Variants in RFX2 observed in about 807,000 individuals in gnomAD.
RFX2 encodes regulatory factor X2, also known as DNA-binding protein RFX2.
A neutral mutation model predicts 87.8 loss-of-function variants in RFX2; 20 were observed. That is an observed-to-expected ratio of 0.23 (90% CI 0.16 to 0.33). The LOEUF (loss-of-function observed/expected upper bound fraction) is 0.33, where lower values mean the gene tolerates loss of function less well. Among genes scored for constraint, RFX2 ranks in the 10% least tolerant of loss-of-function variants. The pLI is 1.00. For missense variants in RFX2, 767 were observed against 1,012.3 expected (o/e 0.76, Z 3.29); for synonymous variants, 397 against 431.3 (o/e 0.92, Z 0.98).
Position 6,004,180 on chromosome 19 carries a change from C to T in RFX2, c.1500+21G>A, listed in dbSNP as rs2086541845. On this transcript the variant is annotated intron_variant, in intron 13 of 17. Transcript: ENST00000303657. This position sits in a 1 kb window ranked among gnomAD's most constrained non-coding sequence, Gnocchi z 4.8. ...CCCTCCCAGCCATCGTTGGGGAGCC[C>T]AGGCCCCACCCCGGACGCACCTTGG... 1.3e-6 allele frequency: 2 copies of T among 1,594,818 alleles called. No homozygotes were observed. The highest frequency in any genetic ancestry group is 1.7e-5 in the Admixed American group (1 of 59,976).
At position 6,022,154 on chromosome 19, in the gene RFX2, T is replaced by TTGTGG. The variant is rs2086822172; in HGVS notation, c.597+4008_597+4009insCCACA. 6.6e-6 allele frequency among the ~76,000 whole-genome samples: 1 copy of TTGTGG among 151,848 alleles called. No homozygotes were observed. Among genetic ancestry groups the TTGTGG allele is most frequent in the African/African-American group, 2.4e-5 (1 of 41,256 alleles). On this transcript the variant is annotated intron_variant, in intron 6 of 17. Transcript: ENST00000303657. This position sits in a 1 kb window ranked among gnomAD's most constrained non-coding sequence, Gnocchi z 6.2. ...GGGTTGTGGGAGGCGCAGGGGTTGT[T>TTGTGG]GAGGGTGGAGGCCACGCACTGAGCT... is the stretch of plus-strand genomic sequence containing the variant.
chr19:6,003,327 A>G (rs755204550), intron 13 of RFX2, among the ~76,000 whole-genome samples: 88 of 152,052 alleles, frequency 5.8e-4, no homozygotes, highest in Middle Eastern at 3.2e-3. Flanking sequence ...TGTCTCCCAA[A>G]GTGCTGGGAT....
At chr19:6,082,293 C>CA (rs34361456) in intron 1 of RFX2, among the ~76,000 whole-genome samples, 10,078 of 99,788 alleles carry the variant, frequency 0.1, 980 homozygotes, top group African/African-American at 0.26. Flanking sequence ...GACCCTGTCT[C>CA]AAAAAAAAAA....
At position 6,022,241 on chromosome 19, in the gene RFX2, G is replaced by GC. The variant is rs1278502017; in HGVS notation, c.597+3921dup. 6.6e-6 allele frequency among the ~76,000 whole-genome samples: 1 copy of GC among 152,168 alleles called. No individual in the cohort carries two copies. Among genetic ancestry groups the GC allele is most frequent in the Non-Finnish European group, 1.5e-5 (1 of 68,022 alleles). ...AAAACAGCGGCACTTCTGGACAGAG[G>GC]CCCCTTCTGAGGAGCTGCCGGCTCT... On this transcript the variant is annotated intron_variant, in intron 6 of 17. Coordinates refer to ENST00000303657, the MANE Select transcript of RFX2 (RefSeq NM_000635.4). This position sits in a 1 kb window ranked among gnomAD's most constrained non-coding sequence, Gnocchi z 6.2.
intron 1 of RFX2, among the ~76,000 whole-genome samples, chr19:6,102,828 C>T (rs764148833): frequency 2.6e-5 from 4 of 152,190 alleles, no homozygotes; most frequent in Admixed American, 6.5e-5. Context: ...AGTTCAAATA[C>T]AAGAAGCCTC....
intron 1 of RFX2, among the ~76,000 whole-genome samples, chr19:6,091,583 C>T (rs989273551): frequency 1.3e-5 from 2 of 152,268 alleles, no homozygotes; most frequent in South Asian, 2.1e-4. Flanking sequence ...CATTCCTCAC[C>T]TCAGGAGAAG....
In RFX2 at chr19:6,034,789, G is replaced by A. The variant is rs193067517; in HGVS notation, c.522+5191C>T. On this transcript the variant is annotated intron_variant, in intron 5 of 17. Coordinates refer to ENST00000303657, the MANE Select transcript of RFX2 (RefSeq NM_000635.4). ...TGGGCCTCTGCGAGCCACCTCCATG[G>A]ACCACCAGGAAGGGGTGCTCTCTGA... is the stretch of plus-strand genomic sequence containing the variant. Among the ~76,000 whole-genome samples the A allele has an allele frequency of 8.1e-4, 124 of 152,292 alleles. No individual in the cohort carries two copies. In the Middle Eastern group the frequency reaches 0.01, roughly 13 times the overall value.
Position 6,021,523 on chromosome 19 carries a change from G to A in RFX2, c.597+4640C>T, listed in dbSNP as rs77315797. The stretch of plus-strand genomic sequence containing the variant: ...TAGTAAGTTGAGGTGGGGTGGGGGT[G>A]TCAGGCAGGGCTCACTGAGAAAGTG... On this transcript the variant is annotated intron_variant, in intron 6 of 17. Transcript: ENST00000303657. This position sits in a 1 kb window ranked among gnomAD's most constrained non-coding sequence, Gnocchi z 5.7. 0.14 allele frequency among the ~76,000 whole-genome samples: 20,588 copies of A among 152,206 alleles called. 1,610 individuals are homozygous for A. The highest frequency in any genetic ancestry group is 0.23 in the Middle Eastern group (67 of 294).
chr19:6,089,605 C>T (rs2087905168), intron 1 of RFX2, among the ~76,000 whole-genome samples: 1 of 152,186 alleles, frequency 6.6e-6, no homozygotes, highest in South Asian at 2.1e-4. Context: ...CCTCCCCTGC[C>T]CCTTCCATCA....
chr19:6,006,990 G>A, intron 12 of RFX2, 22 bp downstream of exon 12: 1 of 1,612,784 alleles, frequency 6.2e-7, no homozygotes, highest in Non-Finnish European at 8.5e-7. Flanking sequence ...AGCAGCGCCG[G>A]GCGGGGCCGT....
chr19:6,038,328 G>GAA (rs55857624), intron 5 of RFX2, among the ~76,000 whole-genome samples: 4,645 of 60,722 alleles, frequency 0.076, 127 homozygotes, highest in Non-Finnish European at 0.086. Flanking sequence ...CTCCGTCTCA[G>GAA]AAAAAAAAAA....
chr19:6,090,664 T>C (rs1372523773), intron 1 of RFX2, among the ~76,000 whole-genome samples: 1 of 152,224 alleles, frequency 6.6e-6, no homozygotes, highest in African/African-American at 2.4e-5. Flanking sequence ...CTCCTAGGTA[T>C]ATTCCCTGAA....
chr19:6,028,368 C>T (rs2086916358), intron 5 of RFX2, among the ~76,000 whole-genome samples: 2 of 152,158 alleles, frequency 1.3e-5, no homozygotes, highest in Non-Finnish European at 2.9e-5. Flanking sequence ...AACTTGGCCT[C>T]ACACAGATAT....
At chr19:6,076,802 T>A (rs2087699160) in intron 1 of RFX2, among the ~76,000 whole-genome samples, 1 of 152,242 alleles carries the variant, frequency 6.6e-6, no homozygotes, top group Admixed American at 6.5e-5. Flanking sequence ...TCGCTATTTG[T>A]GATGTTGCTA....
In RFX2 at chr19:6,026,444, A is replaced by G; in HGVS notation, c.523-207T>C. 1 of 594,990 alleles carries G rather than the reference A, an allele frequency of 1.7e-6. No homozygotes were observed. 36.9% of individuals were successfully genotyped at this position (594,990 alleles called of 1,614,324 possible). A position where few individuals can be genotyped will look rare whatever the true frequency, so the allele number is the denominator to read the frequency against. ...GCTGCGGTAGGGAGTGTTGCTTCGC[A>G]CACGTAGGTAAGCCCGAGAGCCCGT... On this transcript the variant is annotated intron_variant, in intron 5 of 17. Transcript: ENST00000303657. The surrounding 1 kb of genome is among the most constrained non-coding windows in gnomAD (Gnocchi z 4.5).
intron 16 of RFX2, 102 bp from the exon 17 acceptor site, chr19:5,995,745 C>T (rs371356318): frequency 2.8e-5 from 28 of 1,005,408 alleles, no homozygotes; most frequent in East Asian, 2.6e-4. Context: ...GCCACGTCCT[C>T]CATTCACAGT....
intron 1 of RFX2, among the ~76,000 whole-genome samples, chr19:6,053,540 A>G (rs987178026): frequency 3.9e-5 from 6 of 152,232 alleles, no homozygotes; most frequent in Admixed American, 1.3e-4. Context: ...TAACAAATGT[A>G]CAACTCTGGT....
intron 6 of RFX2, among the ~76,000 whole-genome samples, chr19:6,025,059 T>C (rs2086868868): frequency 6.6e-6 from 1 of 152,220 alleles, no homozygotes; most frequent in African/African-American, 2.4e-5. Flanking sequence ...GTTTAAGTGC[T>C]AGAGAGCAAC....
rs72153340 is a variant in RFX2, at chr19:6,045,658, G to GT, written c.91-1377dup. 9.4e-3 allele frequency among the ~76,000 whole-genome samples: 1,413 copies of GT among 150,606 alleles called. 21 individuals carry two copies. Among genetic ancestry groups the GT allele is most frequent in the East Asian group, 0.068 (352 of 5,160 alleles). On this transcript the variant is annotated intron_variant, in intron 2 of 17. Coordinates refer to ENST00000303657, the MANE Select transcript of RFX2 (RefSeq NM_000635.4). This position sits in a 1 kb window ranked among gnomAD's most constrained non-coding sequence, Gnocchi z 5.2. Reference sequence around the variant, plus strand: ...TGCCTTTTTGTTTTTGCGGAATTGTGTTTTTTTGTTTTTGTTTTTTTGTGT... The same window carrying GT: ...TGCCTTTTTGTTTTTGCGGAATTGTGTTTTTTTTGTTTTTGTTTTTTTGTGT...
Sources: gnomAD v4.1 joint callset for allele counts (sites outside exome capture counted in the v4.1 genomes callset) on GRCh38, gnomAD v4.1.1 for gene constraint, Gnocchi (gnomAD v3.1) non-coding constraint, MANE v1.5 for transcripts, NCBI Gene and HGNC (gene_info 2026-07-23, HGNC 2026-07-21) for gene names.